Variants in DENND2A observed in about 807,000 individuals in gnomAD.
The protein encoded by DENND2A is DENN domain containing 2A, also known as DENN domain-containing protein 2A.
Under a neutral mutation model 105.3 loss-of-function variants are expected in DENND2A, and 53 were observed. The ratio of observed to expected loss-of-function variants is 0.50; its 90% CI spans 0.40 to 0.63. The LOEUF is 0.63. Among genes scored for constraint, DENND2A ranks in the 30% least tolerant of loss-of-function variants. The pLI, the probability that DENND2A is intolerant of heterozygous loss-of-function variation, is 0.00. For synonymous variants in DENND2A, 522 were observed against 508.4 expected (o/e 1.03, Z -0.36); for missense variants, 1,138 against 1,279.6 (o/e 0.89, Z 1.69).
At chr7:140,553,432 G>A (rs572086281) in intron 12 of DENND2A, among the ~76,000 whole-genome samples, 7 of 152,018 alleles carry the variant, frequency 4.6e-5, no homozygotes, top group African/African-American at 9.7e-5. Context: ...ATTCCATTGC[G>A]CAGGCACGGC....
intron 17 of DENND2A, among the ~76,000 whole-genome samples, chr7:140,522,700 C>CTAG (rs758786317): frequency 2.0e-5 from 3 of 149,514 alleles, no homozygotes; most frequent in African/African-American, 4.9e-5. Flanking sequence ...CCTCTGCCTC[C>CTAG]TAGATCAAGC....
Position 140,598,040 on chromosome 7 carries a change from CAA to C in DENND2A, c.995+3361_995+3362del, listed in dbSNP as rs1220336182. 3.3e-5 allele frequency among the ~76,000 whole-genome samples: 5 copies of C among 152,194 alleles called. No individual in the cohort carries two copies. The East Asian group carries it at 9.6e-4, about 29-fold the overall frequency. On this transcript the variant is annotated intron_variant, in intron 3 of 19. Transcript: ENST00000496613. ...AAAAAAAAGATAGTGCAATAAAACCCAAGTCTAGACCAGTCTAATTTATTTAC... is the reference window on the plus strand; with the variant it reads ...AAAAAAAAGATAGTGCAATAAAACCCGTCTAGACCAGTCTAATTTATTTAC...
intron 9 of DENND2A, among the ~76,000 whole-genome samples, chr7:140,561,772 C>T (rs1262776164): frequency 6.6e-6 from 1 of 151,524 alleles, no homozygotes; most frequent in African/African-American, 2.4e-5. Context: ...GCCTCAGCCT[C>T]GCAGAATGTT....
chr7:140,522,023 A>G lies in DENND2A; in HGVS notation c.2743T>C (p.Ser915Pro), dbSNP rs778538204. The G allele has an allele frequency of 1.2e-6, 2 of 1,614,232 alleles. No homozygotes were observed. Among genetic ancestry groups the G allele is most frequent in the Admixed American group, 3.3e-5 (2 of 60,022 alleles). ...RFFVEIVGHYSLFLTSGEREE... is the reference protein window; with the variant it reads ...RFFVEIVGHYPLFLTSGEREE... Reference sequence around the variant, plus strand: ...CGCTCGCCCGACGTCAGGAACAAAGAGTAGTGTCCCACAATCTCCACGAAG... The same window carrying G: ...CGCTCGCCCGACGTCAGGAACAAAGGGTAGTGTCCCACAATCTCCACGAAG... The change falls in exon 18 of 20, where the codon TCT becomes CCT. Residue 915 changes from serine to proline, a missense_variant. By Grantham distance (74) the Ser-to-Pro change is moderately conservative. Coordinates refer to ENST00000496613, the MANE Select transcript of DENND2A (RefSeq NM_015689.5).
At chr7:140,590,148 G>GTAAT (rs1798953508) in intron 3 of DENND2A, among the ~76,000 whole-genome samples, 2 of 152,150 alleles carry the variant, frequency 1.3e-5, no homozygotes, top group Non-Finnish European at 2.9e-5. Context: ...CCAGCACTTT[G>GTAAT]GGAGGCCGAG....
chr7:140,626,505 C>T (rs951741692), intron 1 of DENND2A, among the ~76,000 whole-genome samples: 2 of 152,214 alleles, frequency 1.3e-5, no homozygotes, highest in African/African-American at 4.8e-5. Flanking sequence ...GCTCACGCTG[C>T]ACCACTGAAC....
At chr7:140,569,023 C>T (rs1035543250) in intron 7 of DENND2A, among the ~76,000 whole-genome samples, 2 of 151,960 alleles carry the variant, frequency 1.3e-5, no homozygotes, top group Non-Finnish European at 2.9e-5. Context: ...CTTCCAGGTT[C>T]CAGTGATTCT....
chr7:140,626,020 C>T (rs1331062932), intron 1 of DENND2A, among the ~76,000 whole-genome samples: 5 of 152,140 alleles, frequency 3.3e-5, no homozygotes, highest in Non-Finnish European at 7.3e-5. Flanking sequence ...CTATTGCCTC[C>T]CCTTCTCAGA....
chr7:140,542,565 CTTTTTTTTTT>C (rs771623397), intron 14 of DENND2A, among the ~76,000 whole-genome samples: 1 of 111,984 alleles, frequency 8.9e-6, no homozygotes, highest in South Asian at 3.0e-4. Context: ...TTTTCTCTCT[CTTTTTTTTTT>C]TTTTTTTTTT....
In DENND2A at chr7:140,601,811, TC is replaced by T; in HGVS notation, c.586del (p.Glu196ArgfsTer121). On this transcript the variant is annotated frameshift_variant, in exon 3 of 20. Coordinates refer to ENST00000496613, the MANE Select transcript of DENND2A (RefSeq NM_015689.5). LOFTEE classifies it high-confidence loss of function. ...YSPHCPPDKAEAGSTLPENLG... is the reference protein window; with the variant it reads ...YSPHCPPDKAXAGSTLPENLG... Reference sequence around the variant, plus strand: ...GTTCTCAGGAAGGGTGGACCCTGCCTCTGCCTTGTCAGGAGGGCAGTGTGGG... The same window carrying T: ...GTTCTCAGGAAGGGTGGACCCTGCCTTGCCTTGTCAGGAGGGCAGTGTGGG... The T allele has an allele frequency of 6.2e-7, 1 of 1,614,112 alleles. No individual in the cohort carries two copies. Among genetic ancestry groups the T allele is most frequent in the Non-Finnish European group, 8.5e-7 (1 of 1,180,004 alleles).
At chr7:140,582,899 A>T (rs1301588480) in intron 5 of DENND2A, among the ~76,000 whole-genome samples, 2 of 152,220 alleles carry the variant, frequency 1.3e-5, no homozygotes, top group African/African-American at 4.8e-5. Context: ...AAAGAAATAG[A>T]ATATATACAT....
chr7:140,634,418 C>T (rs1800845754), intron 1 of DENND2A, among the ~76,000 whole-genome samples: 1 of 152,126 alleles, frequency 6.6e-6, no homozygotes, highest in South Asian at 2.1e-4. Flanking sequence ...CCTCTCTGTT[C>T]CTTAACCCAA....
chr7:140,521,453 T>C (rs1006039385), intron 18 of DENND2A, among the ~76,000 whole-genome samples: 2 of 151,948 alleles, frequency 1.3e-5, no homozygotes, highest in African/African-American at 4.8e-5. Context: ...TTTTAAAACA[T>C]TTTTGTAGAA....
chr7:140,583,681 G>C (rs1798640552), intron 5 of DENND2A, among the ~76,000 whole-genome samples: 1 of 150,428 alleles, frequency 6.6e-6, no homozygotes, highest in South Asian at 2.1e-4. Context: ...TGCAACCCCA[G>C]CACTTTGGGA....
intron 1 of DENND2A, among the ~76,000 whole-genome samples, chr7:140,635,749 G>C (rs1800902261): frequency 6.6e-6 from 1 of 152,162 alleles, no homozygotes; most frequent in Non-Finnish European, 1.5e-5. Flanking sequence ...TAGCCCCTCT[G>C]AACTGCAAGC....
chr7:140,522,797 G>A (rs1277454677), intron 17 of DENND2A, among the ~76,000 whole-genome samples: 3 of 151,174 alleles, frequency 2.0e-5, no homozygotes, highest in South Asian at 2.1e-4. Context: ...CAGTAGAGAC[G>A]TGTTTTCACC....
chr7:140,526,537 C>T (rs1399373376), intron 15 of DENND2A, among the ~76,000 whole-genome samples: 35 of 152,320 alleles, frequency 2.3e-4, no homozygotes, highest in Non-Finnish European at 5.9e-5. Context: ...AGCGGAGGGC[C>T]ACCTCTCCTT....
intron 1 of DENND2A, among the ~76,000 whole-genome samples, chr7:140,615,237 T>C (rs1207561169): frequency 1.3e-5 from 2 of 152,192 alleles, no homozygotes; most frequent in East Asian, 3.8e-4. Context: ...ATTTATCTGA[T>C]TCGTTATATT....
chr7:140,558,038 A>G (rs1563139826), intron 11 of DENND2A, 105 bp downstream of exon 11: 1 of 848,324 alleles, frequency 1.2e-6, no homozygotes, highest in African/African-American at 1.7e-5. Context: ...CCTGTGCCTC[A>G]TCAGGGAATC....
Sources: allele counts gnomAD v4.1 joint callset (sites outside exome capture counted in the v4.1 genomes callset), GRCh38; gene constraint gnomAD v4.1.1; transcripts MANE v1.5; gene names NCBI Gene and HGNC (gene_info 2026-07-23, HGNC 2026-07-21).